Variants in PPEF1 observed in about 807,000 individuals in gnomAD.
The protein encoded by PPEF1 is protein phosphatase with EF-hand domain 1, also known as serine/threonine-protein phosphatase with EF-hands 1.
A neutral mutation model predicts 53.3 loss-of-function variants in PPEF1; 12 were observed. The observed-to-expected ratio is 0.23, with a 90% CI of 0.14 to 0.36. The LOEUF (loss-of-function observed/expected upper bound fraction) is 0.36. Among genes scored for constraint, PPEF1 ranks in the 10% least tolerant of loss-of-function variants. PPEF1 has a pLI of 1.00. For synonymous variants in PPEF1, 165 were observed against 176.7 expected (o/e 0.93, Z 0.52); for missense variants, 334 against 490.4 (o/e 0.68, Z 3.01).
At chrX:18,708,858 G>C (rs894609749) in intron 1 of PPEF1, among the ~76,000 whole-genome samples, 1 of 110,766 alleles carries the variant, frequency 9.0e-6, no homozygotes, top group African/African-American at 3.3e-5. Context: ...GAACTCTACT[G>C]CTGTAGTAGA....
intron 6 of PPEF1, among the ~76,000 whole-genome samples, chrX:18,770,722 A>G (rs1160392108): frequency 8.9e-6 from 1 of 112,135 alleles, no homozygotes; most frequent in Non-Finnish European, 1.9e-5. Flanking sequence ...CAAAGAATTT[A>G]CCCACAACAA....
At chrX:18,823,896 T>A in intron 13 of PPEF1, 27 bp from the exon 14 acceptor site, 1 of 1,194,895 alleles carries the variant, frequency 8.4e-7, no homozygotes, top group Non-Finnish European at 1.1e-6. Flanking sequence ...TAACAAATCA[T>A]TTGGGCTTTG....
chrX:18,733,628 C>T, intron 2 of PPEF1, 120 bp from the exon 3 acceptor site: 1 of 542,121 alleles, frequency 1.8e-6, no homozygotes, highest in Non-Finnish European at 3.0e-6. Context: ...TTAGCACCTG[C>T]AGCAGCTGAG....
At chrX:18,761,864 G>A in intron 6 of PPEF1, among the ~76,000 whole-genome samples, 1 of 110,918 alleles carries the variant, frequency 9.0e-6, no homozygotes, top group Non-Finnish European at 1.9e-5. Context: ...CATCATAAAT[G>A]TCTAGATGGT....
chrX:18,715,098 C>T (rs745661040), intron 1 of PPEF1, among the ~76,000 whole-genome samples: 6 of 111,787 alleles, frequency 5.4e-5, no homozygotes, highest in Non-Finnish European at 9.4e-5. Context: ...TCGGGCCAGG[C>T]GCGGTGACTC....
At chrX:18,691,671 A>G (rs1226038215) in intron 4 of PPEF1, 6 of 112,270 alleles carry the variant, frequency 5.3e-5, no homozygotes, top group African/African-American at 1.9e-4. Flanking sequence ...CTAGATGTCA[A>G]TCTGAGATAC....
intron 11 of PPEF1, 36 bp downstream of exon 11, chrX:18,804,113 T>A (rs1441213818): frequency 9.0e-7 from 1 of 1,112,926 alleles, no homozygotes; most frequent in African/African-American, 1.8e-5. Context: ...CCCATAAACA[T>A]CCTTCCCCTA....
At chrX:18,807,090 C>A (rs902184057) in intron 12 of PPEF1, among the ~76,000 whole-genome samples, 1 of 109,675 alleles carries the variant, frequency 9.1e-6, no homozygotes. Context: ...AGTGCAGTGG[C>A]GTGATCTCAG....
intron 4 of PPEF1, among the ~76,000 whole-genome samples, chrX:18,694,235 C>T (rs1463403682): frequency 9.0e-6 from 1 of 111,605 alleles, no homozygotes; most frequent in African/African-American, 3.3e-5. Flanking sequence ...AATGTTTGAC[C>T]GTATGAACCT....
intron 7 of PPEF1, among the ~76,000 whole-genome samples, chrX:18,781,667 T>A (rs1451194123): frequency 2.7e-5 from 3 of 111,857 alleles, no homozygotes; most frequent in Non-Finnish European, 5.6e-5. Context: ...AGAAGCCTGA[T>A]GTGACATGAT....
At chrX:18,696,097 C>G (rs1213333748) in intron 4 of PPEF1, among the ~76,000 whole-genome samples, 1 of 111,917 alleles carries the variant, frequency 8.9e-6, no homozygotes, top group South Asian at 3.7e-4. Flanking sequence ...TGAAAAATTA[C>G]TTGGTATTCC....
At chrX:18,716,100 A>G (rs2044446139) in intron 1 of PPEF1, among the ~76,000 whole-genome samples, 1 of 112,275 alleles carries the variant, frequency 8.9e-6, no homozygotes, top group African/African-American at 3.2e-5. Context: ...TGTGACAAAT[A>G]GAAGTTTCTC....
At chrX:18,810,065 G>GA (rs1223455782) in intron 12 of PPEF1, among the ~76,000 whole-genome samples, 2 of 84,929 alleles carry the variant, frequency 2.4e-5, no homozygotes, top group Admixed American at 1.4e-4. Flanking sequence ...AATAAAGCTG[G>GA]AAAAAATCCT....
chrX:18,737,496 T>C (rs2045015297), intron 3 of PPEF1, among the ~76,000 whole-genome samples: 1 of 112,014 alleles, frequency 8.9e-6, no homozygotes, highest in East Asian at 2.8e-4. Context: ...AGACAGTTTG[T>C]TATAATTTCT....
At chrX:18,761,689 T>G in intron 6 of PPEF1, 113 bp downstream of exon 6, 1 of 511,307 alleles carries the variant, frequency 2.0e-6, no homozygotes, top group Non-Finnish European at 3.2e-6. Context: ...ATAATGTTAC[T>G]GTTTTTAACC....
chrX:18,802,845 C>CA (rs2046574244), intron 10 of PPEF1, among the ~76,000 whole-genome samples: 1 of 62,375 alleles, frequency 1.6e-5, no homozygotes, highest in Non-Finnish European at 4.0e-5. Context: ...TTTTTAAAGC[C>CA]AAAAAAACAA....
At chrX:18,794,598 A>G (rs2046393309) in intron 10 of PPEF1, among the ~76,000 whole-genome samples, 1 of 112,608 alleles carries the variant, frequency 8.9e-6, no homozygotes, top group Non-Finnish European at 1.9e-5. Context: ...CTTATGATTG[A>G]GCAAGCATGG....
intron 4 of PPEF1, among the ~76,000 whole-genome samples, chrX:18,694,860 G>A (rs1395424628): frequency 1.8e-5 from 2 of 112,116 alleles, no homozygotes; most frequent in Non-Finnish European, 3.8e-5. Context: ...TAAACTCACT[G>A]TCAGTTCAGT....
At chrX:18,789,682 A>G (rs747367480) in intron 10 of PPEF1, among the ~76,000 whole-genome samples, 12 of 112,583 alleles carry the variant, frequency 1.1e-4, no homozygotes, top group African/African-American at 3.5e-4. Context: ...TGTTGTAGAA[A>G]TGGACACATA....
Sources: allele counts gnomAD v4.1 joint callset (sites outside exome capture counted in the v4.1 genomes callset), GRCh38; gene constraint gnomAD v4.1.1; transcripts MANE v1.5; gene names NCBI Gene and HGNC (gene_info 2026-07-23, HGNC 2026-07-21).